TM9SF2: variants seen among roughly 807,000 people sequenced by gnomAD.
TM9SF2 encodes transmembrane 9 superfamily member 2, also known as 76 kDa membrane protein.
A neutral mutation model predicts 84.9 loss-of-function variants in TM9SF2; 13 were observed. That is an observed-to-expected ratio of 0.15 (90% CI 0.10 to 0.24). TM9SF2 has a LOEUF of 0.24. Ranked by LOEUF, TM9SF2 falls within the 10% of genes least tolerant of loss-of-function variation. The pLI, the probability that TM9SF2 is intolerant of heterozygous loss-of-function variation, is 1.00. For missense variants in TM9SF2, 562 were observed against 818.5 expected (o/e 0.69, Z 3.82); for synonymous variants, 273 against 285.8 (o/e 0.96, Z 0.45).
chr13:99,529,413 A>G, intron 3 of TM9SF2, 54 bp from the exon 4 acceptor site: 2 of 1,448,098 alleles, frequency 1.4e-6, no homozygotes, highest in Non-Finnish European at 1.8e-6. Flanking sequence ...TGATATTGGT[A>G]TGAAAAACCT....
rs191224984 is a variant in TM9SF2, at chr13:99,537,078, A to G, written c.591+341A>G. On this transcript the variant is annotated intron_variant, in intron 5 of 16. Transcript: ENST00000376387. ...AAAGGCTTCATTATAAGTTAACTAA[A>G]TTTGTATTGCAGAAGTCAGATATTA... 1.1e-4 allele frequency among the ~76,000 whole-genome samples: 16 copies of G among 152,274 alleles called. No homozygotes were observed. The East Asian group carries it at 2.9e-3, about 28-fold the overall frequency.
chr13:99,547,202 G>A, intron 11 of TM9SF2, 98 bp downstream of exon 11: 2 of 1,548,768 alleles, frequency 1.3e-6, no homozygotes, highest in Middle Eastern at 2.0e-4. Context: ...TTTGTAAATA[G>A]TGTGCCTCAT....
intron 11 of TM9SF2, 71 bp from the exon 12 acceptor site, chr13:99,549,094 A>T (rs762851782): frequency 7.4e-7 from 1 of 1,351,766 alleles, no homozygotes; most frequent in Non-Finnish European, 1.1e-6. Context: ...CAAATATCAG[A>T]CTTGTAATAT....
chr13:99,503,061 T>A (rs1269464808), intron 1 of TM9SF2, among the ~76,000 whole-genome samples: 1 of 152,254 alleles, frequency 6.6e-6, no homozygotes, highest in Non-Finnish European at 1.5e-5. Flanking sequence ...GTTCATACTC[T>A]GCAGTGCAAG....
intron 3 of TM9SF2, among the ~76,000 whole-genome samples, chr13:99,527,120 G>T (rs1288031404): frequency 8.7e-4 from 133 of 152,138 alleles, no homozygotes; most frequent in Non-Finnish European, 2.6e-4. Flanking sequence ...AAGCAGTTGA[G>T]GGGGGATACA....
intron 3 of TM9SF2, among the ~76,000 whole-genome samples, chr13:99,521,308 G>A (rs186762857): frequency 1.3e-5 from 2 of 152,222 alleles, no homozygotes; most frequent in African/African-American, 4.8e-5. Flanking sequence ...GCCACACTTT[G>A]CATTTTTCCT....
At chr13:99,525,777 G>A (rs1439930578) in intron 3 of TM9SF2, among the ~76,000 whole-genome samples, 2 of 151,640 alleles carry the variant, frequency 1.3e-5, no homozygotes, top group Admixed American at 6.6e-5. Flanking sequence ...GGATGATCTC[G>A]ATCTCCGGAC....
chr13:99,511,366 A>G (rs115713904), intron 1 of TM9SF2, among the ~76,000 whole-genome samples: 1,581 of 152,230 alleles, frequency 0.01, 27 homozygotes, highest in African/African-American at 0.036. Flanking sequence ...TCTTTATTGA[A>G]CTATATAAAC....
chr13:99,525,115 T>C (rs1309085749), intron 3 of TM9SF2, among the ~76,000 whole-genome samples: 1 of 152,032 alleles, frequency 6.6e-6, no homozygotes, highest in Non-Finnish European at 1.5e-5. Flanking sequence ...AATAGCCAGG[T>C]GGAGAGAGAA....
chr13:99,534,403 A>G (rs1433333153), intron 4 of TM9SF2, among the ~76,000 whole-genome samples: 1 of 152,168 alleles, frequency 6.6e-6, no homozygotes, highest in Non-Finnish European at 1.5e-5. Context: ...AGAAATGCCA[A>G]CTGTGGGCTA....
At chr13:99,561,622 G>T (rs571484308) in intron 16 of TM9SF2, among the ~76,000 whole-genome samples, 171 of 152,264 alleles carry the variant, frequency 1.1e-3, no homozygotes, top group African/African-American at 4.0e-3. Flanking sequence ...ATGTAAGGAT[G>T]GATATAATGA....
chr13:99,545,718 C>T (rs2046279667), intron 10 of TM9SF2, among the ~76,000 whole-genome samples: 1 of 152,090 alleles, frequency 6.6e-6, no homozygotes, highest in African/African-American at 2.4e-5. Context: ...AGGCGCCTGC[C>T]ACCACGCCTG....
intron 4 of TM9SF2, 107 bp from the exon 5 acceptor site, chr13:99,536,501 G>T (rs1410647061): frequency 3.8e-6 from 5 of 1,324,294 alleles, no homozygotes; most frequent in Admixed American, 2.2e-5. Context: ...TAATCTTAAG[G>T]CATTTACACA....
At chr13:99,511,486 G>T (rs2046113663) in intron 1 of TM9SF2, among the ~76,000 whole-genome samples, 1 of 152,184 alleles carries the variant, frequency 6.6e-6, no homozygotes, top group Non-Finnish European at 1.5e-5. Context: ...CTTGCTGCAA[G>T]AGTTGATATT....
chr13:99,511,643 A>T (rs1478332939), intron 1 of TM9SF2, among the ~76,000 whole-genome samples: 2 of 152,256 alleles, frequency 1.3e-5, no homozygotes, highest in Non-Finnish European at 2.9e-5. Context: ...AGATCCTCAC[A>T]ATTTAGAAAA....
chr13:99,508,444 C>CACACACACACACA (rs1555339315), intron 1 of TM9SF2, among the ~76,000 whole-genome samples: 12 of 143,614 alleles, frequency 8.4e-5, no homozygotes, highest in South Asian at 4.4e-4. Flanking sequence ...CACACACACA[C>CACACACACACACA]CCCAGAGATT....
intron 1 of TM9SF2, among the ~76,000 whole-genome samples, chr13:99,505,082 A>G (rs1230867614): frequency 1.3e-5 from 2 of 151,944 alleles, no homozygotes; most frequent in Non-Finnish European, 2.9e-5. Context: ...TTAACTAAAT[A>G]ATACCTTGTG....
At chr13:99,531,268 T>C (rs1433956026) in intron 4 of TM9SF2, among the ~76,000 whole-genome samples, 1 of 152,230 alleles carries the variant, frequency 6.6e-6, no homozygotes, top group Non-Finnish European at 1.5e-5. Context: ...GTGGGGATCA[T>C]AGTTTACATA....
chr13:99,520,099 C>T lies in TM9SF2; in HGVS notation c.303C>T (p.Phe101=), dbSNP rs774673420. The T allele has an allele frequency of 8.1e-6, 13 of 1,613,616 alleles. No homozygotes were observed. Among genetic ancestry groups the T allele is most frequent in the East Asian group, 4.5e-5 (2 of 44,836 alleles). ...RPSENLGQVL[F]GERIEPSPYK... ...CTGAAAATCTTGGTCAGGTACTATT[C>T]GGGGAAAGAATTGAACCTTCACCAT... is the stretch of plus-strand genomic sequence containing the variant. Residue 101 remains phenylalanine (F), a synonymous_variant, in exon 3 of 17, where the codon TTC becomes TTT. Coordinates refer to ENST00000376387, the MANE Select transcript of TM9SF2 (RefSeq NM_004800.3).
Sources: gnomAD v4.1 joint callset for allele counts (sites outside exome capture counted in the v4.1 genomes callset) on GRCh38, gnomAD v4.1.1 for gene constraint, MANE v1.5 for transcripts, NCBI Gene and HGNC (gene_info 2026-07-23, HGNC 2026-07-21) for gene names.